Variants in KMT5B observed in about 807,000 individuals in gnomAD.
KMT5B encodes histone-lysine N-methyltransferase KMT5B.
KMT5B carries 10 observed loss-of-function variants against 83.2 expected under a neutral mutation model. That is an observed-to-expected ratio of 0.12 (90% CI 0.07 to 0.20). The LOEUF is 0.20. Among genes scored for constraint, KMT5B ranks in the 10% least tolerant of loss-of-function variants. The pLI is 1.00. For synonymous variants in KMT5B, 349 were observed against 388.8 expected (o/e 0.90, Z 1.20); for missense variants, 753 against 1,067.2 (o/e 0.71, Z 4.10).
intron 4 of KMT5B, chr11:68,179,667 GGA>G (rs912494202): frequency 2.5e-6 from 3 of 1,178,246 alleles, no homozygotes; most frequent in Non-Finnish European, 3.2e-6. Context: ...AGACAGGGAA[GGA>G]GAGAGGAAGA....
Position 68,161,149 on chromosome 11 carries a change from C to T in KMT5B, c.1175-1978G>A, listed in dbSNP as rs879603220. Among the ~76,000 whole-genome samples the T allele has an allele frequency of 2.3e-4, 35 of 152,024 alleles. 2 individuals carry two copies. The highest frequency in any genetic ancestry group is 1.0e-3 in the South Asian group (5 of 4,820). On this transcript the variant is annotated intron_variant, in intron 10 of 10. Coordinates refer to ENST00000304363, the MANE Select transcript of KMT5B (RefSeq NM_017635.5). ...CTTTGAATGTGATTCAATTTGAGAA[C>T]GAGTGATTTATTATCCACTGGAACT...
chr11:68,190,535 C>T (rs185632909), intron 1 of KMT5B, among the ~76,000 whole-genome samples: 179 of 152,250 alleles, frequency 1.2e-3, no homozygotes, highest in African/African-American at 3.7e-3. Flanking sequence ...CCCCTGAAGA[C>T]GCTCCAGTGG....
chr11:68,178,283 A>AT (rs1856571281), intron 4 of KMT5B, among the ~76,000 whole-genome samples: 1 of 152,210 alleles, frequency 6.6e-6, no homozygotes, highest in Non-Finnish European at 1.5e-5. Flanking sequence ...ATGCTTTCTG[A>AT]AACAAGTTCA....
chr11:68,177,401 G>A (rs1856486489), intron 4 of KMT5B, among the ~76,000 whole-genome samples: 1 of 152,150 alleles, frequency 6.6e-6, no homozygotes. Context: ...AATCAAGCTG[G>A]ATTCAAAGAG....
chr11:68,174,635 G>C (rs1856174034), intron 5 of KMT5B, among the ~76,000 whole-genome samples: 2 of 151,980 alleles, frequency 1.3e-5, no homozygotes, highest in African/African-American at 2.4e-5. Flanking sequence ...CACAAGCAAT[G>C]CTTCTGGCTC....
chr11:68,165,578 C>A, intron 10 of KMT5B: 1 of 332,018 alleles, frequency 3.0e-6, no homozygotes, highest in Non-Finnish European at 5.0e-6. Flanking sequence ...CTCAAGTGAC[C>A]CTCCCACCTC....
At chr11:68,196,054 G>A (rs541744162) in intron 1 of KMT5B, among the ~76,000 whole-genome samples, 2 of 152,292 alleles carry the variant, frequency 1.3e-5, no homozygotes, top group East Asian at 1.9e-4. Context: ...CTACTCAGGA[G>A]GCTGAAGCAG....
At chr11:68,203,779 G>C (rs143819805) in intron 1 of KMT5B, among the ~76,000 whole-genome samples, 5 of 152,082 alleles carry the variant, frequency 3.3e-5, no homozygotes, top group African/African-American at 1.2e-4. Flanking sequence ...AAAGAGAAAG[G>C]CCTCAGGGTT....
chr11:68,197,329 G>A (rs1325957383), intron 1 of KMT5B, among the ~76,000 whole-genome samples: 4 of 152,172 alleles, frequency 2.6e-5, no homozygotes, highest in African/African-American at 9.7e-5. Context: ...CAGAAAATTT[G>A]GGGATGAGGC....
At chr11:68,164,344 C>T (rs958501417) in intron 10 of KMT5B, among the ~76,000 whole-genome samples, 10 of 152,330 alleles carry the variant, frequency 6.6e-5, no homozygotes, top group African/African-American at 2.4e-4. Flanking sequence ...AGCAGCCACA[C>T]AGAAAAAGCA....
Position 68,158,262 on chromosome 11 carries a change from T to C in KMT5B, c.2084A>G (p.Lys695Arg). The C allele has an allele frequency of 1.2e-6, 2 of 1,614,208 alleles. No individual in the cohort carries two copies. The highest frequency in any genetic ancestry group is 1.7e-6 in the Non-Finnish European group (2 of 1,180,042). ...ATACCTTGTGATTCGCCTCTTCTTT[T>C]TACTTTTTGCAGTTCTAAAGCTGTC... Reference protein sequence around the residue: ...TKDSFRTAKSKKKRRITRYDA... With the variant: ...TKDSFRTAKSRKKRRITRYDA... Residue 695 changes from lysine (K) to arginine (R), a missense_variant, in exon 11 of 11, where the codon AAA becomes AGA. Physicochemically the swap from Lys to Arg is conservative, Grantham distance 26 (BLOSUM62 2). Coordinates refer to ENST00000304363, the MANE Select transcript of KMT5B (RefSeq NM_017635.5).
rs1243091600 is a variant in KMT5B at position 68,171,291 on chromosome 11, TA to T, written c.821-41del. ...AAAGATAAAGTCAATTAACTGTTGATAAGATCTGAAACACGAACAATTATAG... is the reference window on the plus strand; with the variant it reads ...AAAGATAAAGTCAATTAACTGTTGATAGATCTGAAACACGAACAATTATAG... On this transcript the variant is annotated intron_variant, in intron 7 of 10. Transcript: ENST00000304363. This position sits in a 1 kb window ranked among gnomAD's most constrained non-coding sequence, Gnocchi z 5.1. 2.6e-5 allele frequency: 42 copies of T among 1,603,220 alleles called. No homozygotes were observed. The highest frequency in any genetic ancestry group is 3.6e-5 in the Non-Finnish European group (42 of 1,173,486).
chr11:68,176,889 T>C (rs1227119071), intron 4 of KMT5B, among the ~76,000 whole-genome samples: 2 of 152,212 alleles, frequency 1.3e-5, no homozygotes, highest in Admixed American at 6.5e-5. Flanking sequence ...AAAATCTTTA[T>C]GTGTCTTACT....
chr11:68,162,450 C>A (rs1174931994), intron 10 of KMT5B, among the ~76,000 whole-genome samples: 1 of 152,196 alleles, frequency 6.6e-6, no homozygotes, highest in Admixed American at 6.5e-5. Flanking sequence ...CTTCTCATCC[C>A]CCTGTAAGAC....
intron 10 of KMT5B, among the ~76,000 whole-genome samples, chr11:68,159,472 A>G (rs1473091798): frequency 6.6e-6 from 1 of 152,222 alleles, no homozygotes; most frequent in South Asian, 2.1e-4. Flanking sequence ...ACACTGGCCC[A>G]AACGAACGCT....
intron 3 of KMT5B, among the ~76,000 whole-genome samples, chr11:68,185,546 A>G (rs550936880): frequency 6.6e-6 from 1 of 152,366 alleles, no homozygotes; most frequent in South Asian, 2.1e-4. Flanking sequence ...ATGCTCCTCC[A>G]GCTTTATACG....
Position 68,158,559 on chromosome 11 carries a change from T to G in KMT5B, c.1787A>C (p.Gln596Pro). ...CTTATGACACTTTGCCTCCCCTTTT[T>G]GTGCAGTCTCATGAGCCAGTTCTTC... Reference protein sequence around the residue: ...QEEELAHETAQKGEAKCHKSD... With the variant: ...QEEELAHETAPKGEAKCHKSD... The change falls in exon 11 of 11, where the codon CAA (glutamine) becomes CCA (proline). Residue 596 changes from glutamine (Q) to proline (P), a missense_variant. Coordinates refer to ENST00000304363, the MANE Select transcript of KMT5B (RefSeq NM_017635.5). The G allele has an allele frequency of 1.2e-6, 2 of 1,614,216 alleles. No individual in the cohort carries two copies. The highest frequency in any genetic ancestry group is 1.7e-6 in the Non-Finnish European group (2 of 1,180,036).
rs570364103 is a variant in KMT5B at position 68,208,214 on chromosome 11, C to T, written c.-77+4924G>A. 2.8e-4 allele frequency among the ~76,000 whole-genome samples: 42 copies of T among 150,972 alleles called. 1 individual carries two copies. The highest frequency in any genetic ancestry group is 9.0e-4 in the African/African-American group (37 of 41,136). On this transcript the variant is annotated intron_variant, in intron 1 of 10. Coordinates refer to ENST00000304363, the MANE Select transcript of KMT5B (RefSeq NM_017635.5). ...CTGTAATCCCAGCACTTTAGGAGGC[C>T]GAGGCGGGAGGGTCACGAGGTCAGG...
intron 4 of KMT5B, among the ~76,000 whole-genome samples, chr11:68,177,734 C>T (rs1032351680): frequency 6.6e-6 from 1 of 152,116 alleles, no homozygotes; most frequent in Non-Finnish European, 1.5e-5. Context: ...CCTTTACAGA[C>T]AGATAAATGC....
Sources: gnomAD v4.1 joint callset for allele counts (sites outside exome capture counted in the v4.1 genomes callset) on GRCh38, gnomAD v4.1.1 for gene constraint, Gnocchi (gnomAD v3.1) non-coding constraint, MANE v1.5 for transcripts, NCBI Gene and HGNC (gene_info 2026-07-23, HGNC 2026-07-21) for gene names.